NKPD1: variants seen among roughly 807,000 people sequenced by gnomAD.
NKPD1 encodes the protein NTPase KAP family P-loop domain-containing protein 1.
In NKPD1, 37 loss-of-function variants were observed where a neutral mutation model predicts 42.2. The observed-to-expected ratio is 0.88, with a 90% CI of 0.67 to 1.15. The LOEUF (loss-of-function observed/expected upper bound fraction) is 1.15. NKPD1 is among the 50% of genes most tolerant of loss of function. NKPD1 has a pLI of 0.00. For missense variants in NKPD1, 1,113 were observed against 1,174.6 expected, an observed-to-expected ratio of 0.95 and a Z score of 0.77; for synonymous variants, 552 against 536.5, an observed-to-expected ratio of 1.03 and a Z score of -0.40.
rs537536772 is a variant in NKPD1 at position 45,151,814 on chromosome 19, C to T, written c.*124G>A. On this transcript the variant is annotated 3_prime_UTR_variant, in exon 5 of 5. Transcript: ENST00000686631. ...TGTCCACGGCTCTGGCTCAGGTTCACCTGGGGGTGTGGGCCTCACAGGGCT... is the reference window on the plus strand; with the variant it reads ...TGTCCACGGCTCTGGCTCAGGTTCATCTGGGGGTGTGGGCCTCACAGGGCT... The T allele has an allele frequency of 4.7e-5, 51 of 1,084,706 alleles. 1 individual carries two copies. In the South Asian group the frequency reaches 9.4e-4, roughly 20 times the overall value. The allele number at this position is 1,084,706 out of a possible 1,614,324, so 67.2% of individuals were successfully genotyped here.
Position 45,152,160 on chromosome 19 carries a change from G to C in NKPD1, c.2277C>G (p.Ala759=). The C allele has an allele frequency of 1.9e-6, 3 of 1,596,718 alleles. No homozygotes were observed. Among genetic ancestry groups the C allele is most frequent in the Non-Finnish European group, 2.6e-6 (3 of 1,172,806 alleles). The change falls in exon 5 of 5, where the codon GCC becomes GCG. Residue 759 remains alanine (A), a synonymous_variant. Transcript: ENST00000686631. ...SIRRRMGLIR[A]VSALKPPSPP... Reference sequence around the variant, plus strand: ...GGCTGGGCGGCTTGAGCGCGCTGACGGCTCGGATGAGACCCATGCGCCGGC... The same window carrying C: ...GGCTGGGCGGCTTGAGCGCGCTGACCGCTCGGATGAGACCCATGCGCCGGC...
rs2122777727 is a variant in NKPD1, at chr19:45,152,905, G to A, written c.1532C>T (p.Thr511Met). ...GAGGAAGAGGTAGCCGTTATCGGCC[G>A]TGCCCTTCATGTTGCCCGCGCTCTC... The part of the protein sequence containing the change: ...CLESAGNMKG[T>M]ADNGYLFLNR... Residue 511 changes from threonine (T) to methionine (M), a missense_variant, in exon 5 of 5, where the codon ACG (threonine) becomes ATG (methionine). Physicochemically the swap from Thr to Met is moderately conservative, Grantham distance 81 (BLOSUM62 -1). Transcript: ENST00000686631. The A allele has an allele frequency of 5.7e-6, 9 of 1,581,380 alleles. No individual in the cohort carries two copies. The highest frequency in any genetic ancestry group is 6.9e-6 in the Non-Finnish European group (8 of 1,161,040).
upstream of NKPD1, among the ~76,000 whole-genome samples, chr19:45,161,590 G>A (rs771659031): frequency 2.6e-5 from 4 of 152,206 alleles, no homozygotes; most frequent in African/African-American, 9.6e-5. Flanking sequence ...TGAAGTCCTC[G>A]GCCCCAGGGC....
rs1405257579 is a variant in NKPD1, at chr19:45,160,905, A to T, written c.-72+20T>A. Among the ~76,000 whole-genome samples, 1 of 151,826 alleles carries T rather than the reference A, an allele frequency of 6.6e-6. No individual in the cohort carries two copies. Among genetic ancestry groups the T allele is most frequent in the Non-Finnish European group, 1.5e-5 (1 of 67,936 alleles). On this transcript the variant is annotated intron_variant, in intron 1 of 4. Transcript: ENST00000686631. ...AGCCTGCCCACCACTCCCCACCCCC[A>T]GTCCCAGTCCCACTCGTACCTGACG...
chr19:45,151,647 C>A lies in NKPD1; in HGVS notation c.*291G>T, dbSNP rs966461669. 1.1e-5 allele frequency: 4 copies of A among 376,052 alleles called. No individual in the cohort carries two copies. The highest frequency in any genetic ancestry group is 1.9e-5 in the Non-Finnish European group (4 of 210,738). 23.3% of individuals were successfully genotyped at this position (376,052 alleles called of 1,614,324 possible). A position where few individuals can be genotyped will look rare whatever the true frequency, so the allele number is the denominator to read the frequency against. On this transcript the variant is annotated 3_prime_UTR_variant, in exon 5 of 5. Coordinates refer to ENST00000686631, the MANE Select transcript of NKPD1 (RefSeq NM_198478.4). The stretch of plus-strand genomic sequence containing the variant: ...TGTGGCAGGACGGGGCAGGCCTGGT[C>A]CCTGGTCAGATCAGGATGCGGAGAG...
At chr19:45,159,751 C>T (rs1968972138) in intron 2 of NKPD1, among the ~76,000 whole-genome samples, 1 of 152,200 alleles carries the variant, frequency 6.6e-6, no homozygotes, top group Non-Finnish European at 1.5e-5. Flanking sequence ...CTCTCCTACC[C>T]CTCACTCCCA....
intron 3 of NKPD1, 58 bp from the exon 4 acceptor site, chr19:45,155,974 C>T: frequency 7.8e-7 from 1 of 1,274,734 alleles, no homozygotes; most frequent in Non-Finnish European, 1.0e-6. Context: ...CCACCCTCCT[C>T]CCATCTGCCC....
At position 45,152,600 on chromosome 19, in the gene NKPD1, C is replaced by A. The variant is rs759030916; in HGVS notation, c.1837G>T (p.Glu613Ter). The A allele has an allele frequency of 6.3e-7, 1 of 1,583,004 alleles. No individual in the cohort carries two copies. Among genetic ancestry groups the A allele is most frequent in the South Asian group, 1.1e-5 (1 of 88,970 alleles). The change falls in exon 5 of 5, where the codon GAG (glutamate) becomes TAG (stop). Residue 613 changes from glutamate to a stop codon, truncating the protein, a stop_gained. Transcript: ENST00000686631. LOFTEE classifies it low-confidence loss of function (END_TRUNC). Reference protein sequence around the residue: ...CLHDERDCLYEYVPDNVVSMR... With the variant: ...CLHDERDCLY ...GACACCACGTTGTCGGGCACGTACT[C>A]GTAGAGGCAGTCGCGCTCGTCGTGA...
Position 45,152,379 on chromosome 19 carries a change from G to T in NKPD1, c.2058C>A (p.Gly686=). The part of the protein sequence containing the change: ...DRQQTGGAPE[G]RARLWDVFRD... The stretch of plus-strand genomic sequence containing the variant: ...GGAAAACGTCCCAGAGGCGCGCGCG[G>T]CCCTCGGGCGCGCCCCCGGTCTGCT... Residue 686 remains glycine (G), a synonymous_variant, in exon 5 of 5, where the codon GGC becomes GGA. Transcript: ENST00000686631. The T allele has an allele frequency of 6.3e-7, 1 of 1,584,190 alleles. No homozygotes were observed.
At chr19:45,156,826 G>A (rs1265269528) in intron 3 of NKPD1, among the ~76,000 whole-genome samples, 1 of 152,212 alleles carries the variant, frequency 6.6e-6, no homozygotes, top group African/African-American at 2.4e-5. Flanking sequence ...GAGGCCTGGT[G>A]GGCTGTAGGA....
rs971778883 is a variant in NKPD1 at position 45,152,053 on chromosome 19, G to C, written c.2384C>G (p.Ala795Gly). 11 of 1,608,820 alleles carry C rather than the reference G, an allele frequency of 6.8e-6. No individual in the cohort carries two copies. The highest frequency in any genetic ancestry group is 9.3e-6 in the Non-Finnish European group (11 of 1,178,236). Residue 795 changes from alanine (A) to glycine (G), a missense_variant, in exon 5 of 5, where the codon GCC becomes GGC. Around this residue, in one of 3 missense-constraint regions of NKPD1, gnomAD observed 867 missense variants for 870.1 expected, o/e 1.00. Coordinates refer to ENST00000686631, the MANE Select transcript of NKPD1 (RefSeq NM_198478.4). ...SASRAPPSGR[A>G]SGQAGEGHHT... The stretch of plus-strand genomic sequence containing the variant: ...GTGGCCTTCGCCGGCTTGCCCTGAG[G>C]CACGGCCCGACGGGGGCGCCCTGGA...
At chr19:45,154,297 G>A (rs1242642691) in intron 4 of NKPD1, among the ~76,000 whole-genome samples, 1 of 152,168 alleles carries the variant, frequency 6.6e-6, no homozygotes, top group Admixed American at 6.5e-5. Context: ...CTGGGTCGGG[G>A]GCCCTCAGCC....
chr19:45,159,981 C>G (rs1330218581), intron 2 of NKPD1, 79 bp downstream of exon 2: 5 of 771,914 alleles, frequency 6.5e-6, no homozygotes, highest in Non-Finnish European at 9.5e-6. Context: ...GATGACAGCT[C>G]CCCTTCTGTT....
At position 45,160,069 on chromosome 19, in the gene NKPD1, G is replaced by A; in HGVS notation, c.82C>T (p.His28Tyr). The part of the protein sequence containing the change: ...GHYFWDPELG[H>Y]RKGCCHQWRQ... ...CAAACTGAACCCGTACCTTTTCGGT[G>A]CCCCAACTCTGGGTCCCAGAAGTAG... The change falls in exon 2 of 5, where the codon CAC (histidine) becomes TAC (tyrosine). Residue 28 changes from histidine to tyrosine, a missense_variant. Physicochemically the swap from His to Tyr is moderately conservative, Grantham distance 83. Around this residue, in one of 3 missense-constraint regions of NKPD1, gnomAD observed 204 missense variants for 227.8 expected, o/e 0.90. Transcript: ENST00000686631. The A allele has an allele frequency of 3.1e-6, 4 of 1,304,036 alleles. No homozygotes were observed. Among genetic ancestry groups the A allele is most frequent in the Non-Finnish European group, 4.0e-6 (4 of 988,134 alleles). 80.8% of individuals were successfully genotyped at this position (1,304,036 alleles called of 1,614,324 possible).
At position 45,160,181 on chromosome 19, in the gene NKPD1, G is replaced by GCTCC; in HGVS notation, c.-35_-32dup. ...CCGGGCAGCTGGGTGCTGGGGGCCT[G>GCTCC]CTCCTGAGGCAGGAGGGAGCACACA... is the stretch of plus-strand genomic sequence containing the variant. On this transcript the variant is annotated 5_prime_UTR_variant, in exon 2 of 5. Coordinates refer to ENST00000686631, the MANE Select transcript of NKPD1 (RefSeq NM_198478.4). 7.9e-7 allele frequency: 1 copy of GCTCC among 1,258,090 alleles called. No homozygotes were observed. Among genetic ancestry groups the GCTCC allele is most frequent in the Non-Finnish European group, 1.1e-6 (1 of 947,308 alleles). The allele number at this position is 1,258,090 out of a possible 1,614,324, so 77.9% of individuals were successfully genotyped here.
rs1183875577 is a variant in NKPD1, at chr19:45,153,514, T to G, written c.923A>C (p.Tyr308Ser). ...GTACACGCTGAAGGGCAGTGCGCCA[T>G]AGTGGCGGCGGATGCCCTCGCACAA... ...TTLCEGIRRHYGALPFSVYSV... is the reference protein window; with the variant it reads ...TTLCEGIRRHSGALPFSVYSV... Residue 308 changes from tyrosine to serine, a missense_variant, in exon 5 of 5, where the codon TAT (tyrosine) becomes TCT (serine). Tyr to Ser is a moderately radical substitution (Grantham distance 144, BLOSUM62 -2). Around this residue, in one of 3 missense-constraint regions of NKPD1, gnomAD observed 867 missense variants for 870.1 expected, o/e 1.00. Coordinates refer to ENST00000686631, the MANE Select transcript of NKPD1 (RefSeq NM_198478.4). 7.1e-6 allele frequency: 11 copies of G among 1,552,398 alleles called. No homozygotes were observed. Among genetic ancestry groups the G allele is most frequent in the Non-Finnish European group, 9.6e-6 (11 of 1,148,540 alleles).
At position 45,152,684 on chromosome 19, in the gene NKPD1, C is replaced by A. The variant is rs772846447; in HGVS notation, c.1753G>T (p.Gly585Trp). Reference sequence around the variant, plus strand: ...GCCTCGTCGTCGATGCGGCCCTGCCCGCGCTCCGTCCCCGCCTGCGCCTGC... The same window carrying A: ...GCCTCGTCGTCGATGCGGCCCTGCCAGCGCTCCGTCCCCGCCTGCGCCTGC... The part of the protein sequence containing the change: ...AVQAQAGTER[G>W]QGRIDDEAAR... Residue 585 changes from glycine to tryptophan, a missense_variant, in exon 5 of 5, where the codon GGG (glycine) becomes TGG (tryptophan). Gly to Trp is a radical substitution (Grantham distance 184). Around this residue, in one of 3 missense-constraint regions of NKPD1, gnomAD observed 867 missense variants for 870.1 expected, o/e 1.00. Coordinates refer to ENST00000686631, the MANE Select transcript of NKPD1 (RefSeq NM_198478.4). The A allele has an allele frequency of 4.5e-6, 7 of 1,542,362 alleles. No individual in the cohort carries two copies. The East Asian group carries it at 1.5e-4, about 32-fold the overall frequency.
At position 45,153,361 on chromosome 19, in the gene NKPD1, T is replaced by C. The variant is rs748751358; in HGVS notation, c.1076A>G (p.Tyr359Cys). The C allele has an allele frequency of 4.5e-6, 7 of 1,568,530 alleles. No individual in the cohort carries two copies. Among genetic ancestry groups the C allele is most frequent in the Non-Finnish European group, 6.0e-6 (7 of 1,159,938 alleles). The change falls in exon 5 of 5, where the codon TAC becomes TGC. Residue 359 changes from tyrosine (Y) to cysteine (C), a missense_variant. Physicochemically the swap from Tyr to Cys is radical, Grantham distance 194 (BLOSUM62 -2). Around this residue, in one of 3 missense-constraint regions of NKPD1, gnomAD observed 867 missense variants for 870.1 expected, o/e 1.00. Transcript: ENST00000686631. ...CAGCGCGTGGCCGCCCAGTGACAAG[T>C]AGAGCAGCCCCACACCCAGGCCCAG... is the stretch of plus-strand genomic sequence containing the variant. ...AALGLGVGLL[Y>C]LSLGGHALGH... is the part of the protein sequence containing the mutation.
Position 45,149,969 on chromosome 19 carries a change from G to A in NKPD1, c.*1969C>T, listed in dbSNP as rs8108762. The A allele has an allele frequency of 0.31, 46,784 of 152,010 alleles. 7,421 individuals carry two copies. The highest frequency in any genetic ancestry group is 0.34 in the African/African-American group (14,149 of 41,432). 9.4% of individuals were successfully genotyped at this position (152,010 alleles called of 1,614,324 possible). On this transcript the variant is annotated 3_prime_UTR_variant, in exon 5 of 5. Transcript: ENST00000686631. ...GCTGGGAAAGGCGCACAGGTCAGCC[G>A]TGCTCCTTTTTTGTTCGTGACAACG...
Sources: allele counts gnomAD v4.1 joint callset (sites outside exome capture counted in the v4.1 genomes callset), GRCh38; gene constraint gnomAD v4.1.1; regional missense constraint gnomAD v4.1.1; transcripts MANE v1.5; gene names NCBI Gene and HGNC (gene_info 2026-07-23, HGNC 2026-07-21).